Variants in MICAL2 observed in about 807,000 individuals in gnomAD.
MICAL2 encodes the protein [F-actin]-monooxygenase MICAL2.
MICAL2 carries 77 observed loss-of-function variants against 127.3 expected under a neutral mutation model. The observed-to-expected ratio is 0.60, with a 90% CI of 0.50 to 0.73. The LOEUF (loss-of-function observed/expected upper bound fraction) is 0.73. MICAL2 is among the 30% of genes least tolerant of loss of function. The pLI is 0.00. For missense variants in MICAL2, 1,351 were observed against 1,434.4 expected, an observed-to-expected ratio of 0.94 and a Z score of 0.94; for synonymous variants, 570 against 551.1, an observed-to-expected ratio of 1.03 and a Z score of -0.48.
intron 32 of MICAL2, among the ~76,000 whole-genome samples, chr11:12,342,769 C>A (rs1024357719): frequency 1.3e-5 from 2 of 152,198 alleles, no homozygotes; most frequent in Non-Finnish European, 2.9e-5. Flanking sequence ...GGCAGACAGA[C>A]GTGAGGTTAC....
At chr11:12,166,708 C>T (rs572935020) in intron 3 of MICAL2, among the ~76,000 whole-genome samples, 1 of 152,094 alleles carries the variant, frequency 6.6e-6, no homozygotes, top group East Asian at 1.9e-4. Flanking sequence ...AACATTTAGC[C>T]CTTATTATCA....
chr11:12,166,070 T>C (rs1026253287), intron 3 of MICAL2, among the ~76,000 whole-genome samples: 1 of 152,222 alleles, frequency 6.6e-6, no homozygotes, highest in Non-Finnish European at 1.5e-5. Context: ...GACTGAGTAG[T>C]GTTACGGAGG....
At chr11:12,144,237 G>A (rs1462256091) in intron 2 of MICAL2, among the ~76,000 whole-genome samples, 6 of 152,160 alleles carry the variant, frequency 3.9e-5, no homozygotes, top group African/African-American at 1.4e-4. Flanking sequence ...GCTTATTTTA[G>A]TAAACATGTT....
intron 32 of MICAL2, among the ~76,000 whole-genome samples, chr11:12,338,649 T>C (rs1476538946): frequency 1.3e-5 from 2 of 152,194 alleles, no homozygotes; most frequent in East Asian, 3.9e-4. Flanking sequence ...GGGCAGGCCT[T>C]GTGGTGACAA....
chr11:12,123,243 T>C (rs11022187), intron 1 of MICAL2, among the ~76,000 whole-genome samples: 58,796 of 152,004 alleles, frequency 0.39, 11,654 homozygotes, highest in African/African-American at 0.47. Context: ...TGCATATATA[T>C]AAAAGTAAAT....
chr11:12,249,767 G>A (rs555394376), intron 22 of MICAL2, among the ~76,000 whole-genome samples: 51 of 152,390 alleles, frequency 3.3e-4, no homozygotes, highest in African/African-American at 1.1e-3. Context: ...ACTCAGCGGA[G>A]AAGTGTAGCC....
chr11:12,144,801 T>C (rs538159333), intron 2 of MICAL2, among the ~76,000 whole-genome samples: 158 of 152,220 alleles, frequency 1.0e-3, no homozygotes, highest in Admixed American at 1.7e-3. Flanking sequence ...AGCAACTGAG[T>C]ATACATTAGA....
chr11:12,170,906 G>A (rs898455387), intron 3 of MICAL2, among the ~76,000 whole-genome samples: 1 of 152,260 alleles, frequency 6.6e-6, no homozygotes, highest in Non-Finnish European at 1.5e-5. Context: ...CACAGGGCTT[G>A]GCACAGGGAA....
chr11:12,220,549 G>A, intron 9 of MICAL2, 91 bp downstream of exon 9: 11 of 1,495,594 alleles, frequency 7.4e-6, no homozygotes, highest in Non-Finnish European at 9.8e-6. Flanking sequence ...TGTGCAGCGG[G>A]GAGAGGACAG....
At chr11:12,262,433 C>T in intron 26 of MICAL2, 47 bp from the exon 27 acceptor site, 1 of 1,611,752 alleles carries the variant, frequency 6.2e-7, no homozygotes, top group South Asian at 1.1e-5. Context: ...ACTAAGCTCT[C>T]TTTTCTATCT....
chr11:12,290,329 C>T (rs1431045061), downstream of MICAL2, among the ~76,000 whole-genome samples: 4 of 152,102 alleles, frequency 2.6e-5, no homozygotes, highest in African/African-American at 9.7e-5. Context: ...CCTCGTGAGA[C>T]CTGAGGTGTT....
chr11:12,328,198 T>A (rs552818862), intron 32 of MICAL2, among the ~76,000 whole-genome samples: 1 of 152,356 alleles, frequency 6.6e-6, no homozygotes, highest in African/African-American at 2.4e-5. Context: ...ACACTGGGTC[T>A]GTAACAATGA....
At chr11:12,172,761 A>G (rs147542920) in intron 3 of MICAL2, among the ~76,000 whole-genome samples, 10 of 152,058 alleles carry the variant, frequency 6.6e-5, no homozygotes, top group Non-Finnish European at 1.2e-4. Context: ...AATCCCAGGT[A>G]CCACCCAGAA....
chr11:12,201,543 C>T (rs1481475329), intron 3 of MICAL2, among the ~76,000 whole-genome samples: 1 of 151,900 alleles, frequency 6.6e-6, no homozygotes, highest in East Asian at 1.9e-4. Context: ...CAAACTCCTG[C>T]CTTAGGAAAG....
downstream of MICAL2, chr11:12,293,698 G>T (rs1863933945): frequency 6.2e-7 from 1 of 1,614,076 alleles, no homozygotes; most frequent in East Asian, 2.2e-5. Context: ...CAAAGCCAGA[G>T]TGGGCAGAGT....
intron 1 of MICAL2, among the ~76,000 whole-genome samples, chr11:12,129,645 T>C (rs1590005139): frequency 6.7e-6 from 1 of 150,004 alleles, no homozygotes; most frequent in African/African-American, 2.5e-5. Flanking sequence ...TCTTTTTTTT[T>C]TTTTTTTTTT....
intron 3 of MICAL2, among the ~76,000 whole-genome samples, chr11:12,177,251 T>C (rs1464412981): frequency 6.6e-6 from 1 of 152,230 alleles, no homozygotes; most frequent in African/African-American, 2.4e-5. Flanking sequence ...TGATTAGTGA[T>C]GTTGAGCATC....
downstream of MICAL2, among the ~76,000 whole-genome samples, chr11:12,291,271 C>T (rs560325771): frequency 3.7e-4 from 56 of 152,114 alleles, no homozygotes; most frequent in African/African-American, 1.3e-3. Context: ...AATATGGAGA[C>T]AAAATGTTTG....
chr11:12,172,085 T>C (rs1269406536), intron 3 of MICAL2, among the ~76,000 whole-genome samples: 1 of 152,200 alleles, frequency 6.6e-6, no homozygotes, highest in African/African-American at 2.4e-5. Context: ...TTCCTCATGC[T>C]TGTCACCTTG....
Sources: gnomAD v4.1 joint callset for allele counts (sites outside exome capture counted in the v4.1 genomes callset) on GRCh38, gnomAD v4.1.1 for gene constraint, MANE v1.5 for transcripts, NCBI Gene and HGNC (gene_info 2026-07-23, HGNC 2026-07-21) for gene names.